The following SRBD1 variants were observed in gnomAD, a reference collection of about 807,000 sequenced individuals.
SRBD1 encodes the protein S1 RNA-binding domain-containing protein 1.
A neutral mutation model predicts 115.3 loss-of-function variants in SRBD1; 88 were observed. That is an observed-to-expected ratio of 0.76 (90% CI 0.64 to 0.91). The LOEUF (loss-of-function observed/expected upper bound fraction) is 0.91, where lower values mean the gene tolerates loss of function less well. Ranked by LOEUF, SRBD1 falls within the 40% of genes least tolerant of loss-of-function variation. The probability of loss-of-function intolerance (pLI) is 0.00; values close to 1 mark genes in which losing one functional copy is unlikely to be tolerated. For missense variants in SRBD1, 1,385 were observed against 1,177.4 expected (o/e 1.18, Z -2.58); for synonymous variants, 509 against 407.7 (o/e 1.25, Z -2.99).
chr2:45,426,499 G>C (rs2103657791), intron 16 of SRBD1, among the ~76,000 whole-genome samples: 1 of 152,322 alleles, frequency 6.6e-6, no homozygotes. Context: ...CTAGAGCTCT[G>C]CTAAGGGACA....
intron 18 of SRBD1, among the ~76,000 whole-genome samples, chr2:45,414,552 G>GTATA (rs1397270935): frequency 6.1e-5 from 9 of 148,164 alleles, no homozygotes; most frequent in African/African-American, 2.2e-4. Flanking sequence ...CATAGTGTCT[G>GTATA]TAGTGTGTGT....
intron 9 of SRBD1, among the ~76,000 whole-genome samples, chr2:45,563,820 C>G (rs1327120458): frequency 6.6e-6 from 1 of 152,052 alleles, no homozygotes; most frequent in Admixed American, 6.6e-5. Context: ...AAATTTCCCA[C>G]AAATAAATGT....
chr2:45,468,009 T>C (rs138735503), intron 16 of SRBD1, among the ~76,000 whole-genome samples: 40 of 152,234 alleles, frequency 2.6e-4, no homozygotes, highest in African/African-American at 9.4e-4. Context: ...AAATAAGATA[T>C]TATAAATATG....
At chr2:45,409,515 C>CAAAAA (rs59849294) in intron 19 of SRBD1, among the ~76,000 whole-genome samples, 1 of 117,920 alleles carries the variant, frequency 8.5e-6, no homozygotes, top group African/African-American at 3.2e-5. Flanking sequence ...TTGCAATAGG[C>CAAAAA]AAAAAAAAAA....
At chr2:45,486,655 C>A (rs1467211383) in intron 15 of SRBD1, among the ~76,000 whole-genome samples, 1 of 151,968 alleles carries the variant, frequency 6.6e-6, no homozygotes, top group Non-Finnish European at 1.5e-5. Context: ...ATGGCATGAA[C>A]CCCGGAGGGA....
chr2:45,541,008 C>T lies in SRBD1; in HGVS notation c.1874+5724G>A, dbSNP rs117102613. On this transcript the variant is annotated intron_variant, in intron 14 of 20. Transcript: ENST00000263736. Reference sequence around the variant, plus strand: ...GAGTTTTGCTCAGGCCCCCTGGGCTCGTTCCACTCACTCAAGCTGGCAGGC... The same window carrying T: ...GAGTTTTGCTCAGGCCCCCTGGGCTTGTTCCACTCACTCAAGCTGGCAGGC... Among the ~76,000 whole-genome samples, 209 of 152,340 alleles carry T rather than the reference C, an allele frequency of 1.4e-3. 2 individuals carry two copies. In the East Asian group the frequency reaches 0.016, roughly 12 times the overall value.
At chr2:45,533,202 A>C (rs935131434) in intron 14 of SRBD1, among the ~76,000 whole-genome samples, 1 of 152,010 alleles carries the variant, frequency 6.6e-6, no homozygotes, top group Non-Finnish European at 1.5e-5. Flanking sequence ...TCCCTCACAC[A>C]TCTAATTTAC....
intron 1 of SRBD1, among the ~76,000 whole-genome samples, chr2:45,606,028 G>C (rs1031778975): frequency 4.6e-5 from 7 of 151,872 alleles, no homozygotes; most frequent in African/African-American, 1.7e-4. Context: ...TAGGAAAACT[G>C]TGTGCTTCAT....
chr2:45,558,818 A>C (rs1283697141), intron 10 of SRBD1, among the ~76,000 whole-genome samples: 1 of 151,482 alleles, frequency 6.6e-6, no homozygotes, highest in East Asian at 1.9e-4. Flanking sequence ...CAGCCTCCCA[A>C]GTAGCTGGGG....
intron 15 of SRBD1, among the ~76,000 whole-genome samples, chr2:45,479,427 A>C (rs1180786556): frequency 1.3e-5 from 2 of 152,252 alleles, no homozygotes; most frequent in Non-Finnish European, 2.9e-5. Context: ...GTGTGACTCC[A>C]GTGGACACAC....
At chr2:45,593,561 T>C (rs1430491714) in intron 4 of SRBD1, among the ~76,000 whole-genome samples, 1 of 152,216 alleles carries the variant, frequency 6.6e-6, no homozygotes, top group Non-Finnish European at 1.5e-5. Context: ...TGCTATTTCC[T>C]CAGTTAAAAA....
intron 14 of SRBD1, among the ~76,000 whole-genome samples, chr2:45,492,166 T>C (rs1466268478): frequency 6.6e-6 from 1 of 152,180 alleles, no homozygotes; most frequent in Non-Finnish European, 1.5e-5. Flanking sequence ...TGGTGTTACT[T>C]ACAAAAAGCT....
intron 18 of SRBD1, among the ~76,000 whole-genome samples, 162 bp downstream of exon 18, chr2:45,418,203 T>C (rs1198310688): frequency 6.6e-6 from 1 of 152,214 alleles, no homozygotes; most frequent in African/African-American, 2.4e-5. Flanking sequence ...TTGCTCACTG[T>C]TGTATTCCCA....
At chr2:45,440,258 T>C (rs1226910244) in intron 16 of SRBD1, among the ~76,000 whole-genome samples, 1 of 152,226 alleles carries the variant, frequency 6.6e-6, no homozygotes, top group African/African-American at 2.4e-5. Flanking sequence ...TTTTTGTATG[T>C]TATCTAAGAG....
chr2:45,518,983 T>A (rs57288912), intron 14 of SRBD1, among the ~76,000 whole-genome samples: 50,588 of 146,356 alleles, frequency 0.35, 9,630 homozygotes, highest in Non-Finnish European at 0.44. Context: ...AAAAAAAAAA[T>A]CTCACCATTT....
rs1204289591 is a variant in SRBD1, at chr2:45,601,974, T to C, written c.190A>G (p.Met64Val). The C allele has an allele frequency of 6.2e-7, 1 of 1,614,210 alleles. No homozygotes were observed. Among genetic ancestry groups the C allele is most frequent in the Admixed American group, 1.7e-5 (1 of 60,026 alleles). The change falls in exon 3 of 21, where the codon ATG becomes GTG. Residue 64 changes from methionine to valine, a missense_variant. Physicochemically the swap from Met to Val is conservative, Grantham distance 21 (BLOSUM62 1). Transcript: ENST00000263736. ...GGGGCATTCTTCTTCACCCGAGGCA[T>C]CCTCTTTGGTTTGGATTCCTTGGGA... is the stretch of plus-strand genomic sequence containing the variant. ...PPPKESKPKR[M>V]PRVKKNAPQI... is the part of the protein sequence containing the mutation.
intron 16 of SRBD1, among the ~76,000 whole-genome samples, chr2:45,460,949 G>A (rs891881258): frequency 2.8e-4 from 43 of 152,272 alleles, no homozygotes; most frequent in East Asian, 1.9e-4. Flanking sequence ...TAGATACAAA[G>A]TCACCAGGAA....
At chr2:45,586,806 G>A (rs372948587) in intron 4 of SRBD1, among the ~76,000 whole-genome samples, 1 of 149,938 alleles carries the variant, frequency 6.7e-6, no homozygotes, top group Non-Finnish European at 1.5e-5. Context: ...CTCAGCCTCC[G>A]AAAGTGCTGG....
At chr2:45,464,526 C>T (rs1247477722) in intron 16 of SRBD1, among the ~76,000 whole-genome samples, 3 of 152,192 alleles carry the variant, frequency 2.0e-5, no homozygotes, top group Admixed American at 1.3e-4. Flanking sequence ...GTAAGTGTCA[C>T]CTCCATACAC....
Sources: allele counts gnomAD v4.1 joint callset (sites outside exome capture counted in the v4.1 genomes callset), GRCh38; gene constraint gnomAD v4.1.1; transcripts MANE v1.5; gene names NCBI Gene and HGNC (gene_info 2026-07-23, HGNC 2026-07-21).